Variants in POU6F2 observed in about 807,000 individuals in gnomAD.
The protein encoded by POU6F2 is POU domain, class 6, transcription factor 2.
POU6F2 carries 31 observed loss-of-function variants against 71.3 expected under a neutral mutation model. The observed-to-expected ratio is 0.43, with a 90% confidence interval of 0.33 to 0.59. POU6F2 has a LOEUF of 0.59. Ranked by LOEUF, POU6F2 falls within the 20% of genes least tolerant of loss-of-function variation. POU6F2 has a pLI of 0.04. For missense variants in POU6F2, 783 were observed against 856.8 expected (o/e 0.91, Z 1.07); for synonymous variants, 347 against 355.7 (o/e 0.98, Z 0.27).
chr7:38,993,119 G>C (rs1788645340), intron 1 of POU6F2, among the ~76,000 whole-genome samples: 1 of 152,068 alleles, frequency 6.6e-6, no homozygotes, highest in Non-Finnish European at 1.5e-5. Context: ...TTTTATTTCT[G>C]TGTATAAAGA....
At position 39,335,786 on chromosome 7, in the gene POU6F2, C is replaced by A. The variant is rs570743701; in HGVS notation, c.599-3856C>A. Among the ~76,000 whole-genome samples the A allele has an allele frequency of 1.2e-3, 176 of 152,308 alleles. 1 individual carries two copies. Among genetic ancestry groups the A allele is most frequent in the Admixed American group, 3.2e-3 (49 of 15,306 alleles). ...GGCTGTTCTGTGCCTGCTCAGTGTC[C>A]AGCTTCCAAGTCTTCCCCAGCATTT... On this transcript the variant is annotated intron_variant, in intron 4 of 9. Coordinates refer to ENST00000518318, the MANE Select transcript of POU6F2 (RefSeq NM_001370959.1).
chr7:39,246,738 C>G (rs764796656), intron 4 of POU6F2, among the ~76,000 whole-genome samples: 48 of 151,584 alleles, frequency 3.2e-4, no homozygotes, highest in Non-Finnish European at 6.0e-4. Context: ...CAGTCATAAA[C>G]TGGGGCCCTA....
intron 2 of POU6F2, among the ~76,000 whole-genome samples, chr7:39,104,835 C>T (rs949962036): frequency 2.6e-5 from 4 of 152,078 alleles, no homozygotes; most frequent in East Asian, 1.9e-4. Flanking sequence ...CTTTGGAGAC[C>T]GTGTCTTCTT....
At chr7:39,204,426 A>C in intron 3 of POU6F2, 100 bp downstream of exon 3, 1 of 935,870 alleles carries the variant, frequency 1.1e-6, no homozygotes. Context: ...AATTGACTCC[A>C]ACAGAGCAAA....
intron 4 of POU6F2, among the ~76,000 whole-genome samples, chr7:39,277,116 C>T (rs1437411253): frequency 6.6e-6 from 1 of 152,080 alleles, no homozygotes; most frequent in Non-Finnish European, 1.5e-5. Context: ...GAGAAACTTT[C>T]AATTGTAAAA....
intron 2 of POU6F2, among the ~76,000 whole-genome samples, chr7:39,104,649 G>A (rs533958183): frequency 6.6e-6 from 1 of 152,286 alleles, no homozygotes; most frequent in Admixed American, 6.5e-5. Context: ...TTCCACCACT[G>A]TCTACTTATT....
At chr7:39,015,507 T>TA (rs1789459950) in intron 1 of POU6F2, among the ~76,000 whole-genome samples, 2 of 61,750 alleles carry the variant, frequency 3.2e-5, no homozygotes, top group African/African-American at 4.5e-5. Flanking sequence ...TTATATATTA[T>TA]TATATATATA....
intron 2 of POU6F2, among the ~76,000 whole-genome samples, chr7:39,161,613 T>C (rs1201512428): frequency 2.6e-5 from 4 of 152,154 alleles, no homozygotes; most frequent in African/African-American, 9.7e-5. Flanking sequence ...TGTAAACTGA[T>C]AAGGCATCTT....
Position 39,207,475 on chromosome 7 carries a change from C to T in POU6F2, c.453C>T (p.Leu151=), listed in dbSNP as rs138654387. 10 of 1,613,932 alleles carry T rather than the reference C, an allele frequency of 6.2e-6. No homozygotes were observed. The African/African-American group carries it at 9.3e-5, about 15-fold the overall frequency. The change falls in exon 4 of 10, where the codon CTC becomes CTT. Residue 151 remains leucine, a synonymous_variant. Transcript: ENST00000518318. ...GGPPALNQPI[L]IPFNMAGQLG... ...CCCCAGCCCTCAACCAGCCAATCCTCATTCCCTTCAACATGGCGGGACAGC... is the reference window on the plus strand; with the variant it reads ...CCCCAGCCCTCAACCAGCCAATCCTTATTCCCTTCAACATGGCGGGACAGC...
At chr7:39,288,592 T>A (rs1784693172) in intron 4 of POU6F2, among the ~76,000 whole-genome samples, 1 of 152,156 alleles carries the variant, frequency 6.6e-6, no homozygotes, top group South Asian at 2.1e-4. Context: ...TTTAAGCAGA[T>A]CGTGAATCAT....
chr7:39,135,697 T>C (rs1030716276), intron 2 of POU6F2, among the ~76,000 whole-genome samples: 23 of 152,120 alleles, frequency 1.5e-4, no homozygotes, highest in African/African-American at 5.3e-4. Flanking sequence ...CACATTTCAT[T>C]GTGAAGGTAT....
In POU6F2 at chr7:39,343,410, T is replaced by TAA. The variant is rs58511899; in HGVS notation, c.972+3410_972+3411dup. On this transcript the variant is annotated intron_variant, in intron 5 of 9. Transcript: ENST00000518318. Reference sequence around the variant, plus strand: ...TTTGGGGCAAAAAACATGATCTAGGTAAAAAAAAAAAAAAAATTCAATACG... The same window carrying TAA: ...TTTGGGGCAAAAAACATGATCTAGGTAAAAAAAAAAAAAAAAAATTCAATACG... 6.3e-3 allele frequency among the ~76,000 whole-genome samples: 835 copies of TAA among 133,234 alleles called. 6 individuals are homozygous for TAA. The highest frequency in any genetic ancestry group is 0.012 in the Middle Eastern group (3 of 248). The allele number at this position is 133,234 out of a possible 152,430, so 87.4% of individuals were successfully genotyped here.
At chr7:39,407,751 A>G (rs1787466928) in intron 6 of POU6F2, among the ~76,000 whole-genome samples, 1 of 152,174 alleles carries the variant, frequency 6.6e-6, no homozygotes, top group South Asian at 2.1e-4. Flanking sequence ...CATAAAGAGT[A>G]AACAAAGATG....
chr7:39,145,107 A>G (rs1243639331), intron 2 of POU6F2, among the ~76,000 whole-genome samples: 1 of 152,226 alleles, frequency 6.6e-6, no homozygotes, highest in Non-Finnish European at 1.5e-5. Flanking sequence ...CTTAAATCTG[A>G]TATTTCAAGA....
At chr7:39,291,281 C>T (rs1286548284) in intron 4 of POU6F2, among the ~76,000 whole-genome samples, 1 of 152,118 alleles carries the variant, frequency 6.6e-6, no homozygotes, top group African/African-American at 2.4e-5. Flanking sequence ...ATAGCATTAA[C>T]CTACATTTGA....
intron 5 of POU6F2, among the ~76,000 whole-genome samples, chr7:39,398,612 A>G (rs557053350): frequency 2.0e-5 from 3 of 152,234 alleles, no homozygotes; most frequent in Admixed American, 1.3e-4. Flanking sequence ...AGGTGGCTCT[A>G]AGGAGGTGAT....
intron 6 of POU6F2, among the ~76,000 whole-genome samples, chr7:39,423,981 C>G (rs1469183765): frequency 6.6e-6 from 1 of 152,168 alleles, no homozygotes; most frequent in Non-Finnish European, 1.5e-5. Flanking sequence ...TTACAAACAA[C>G]AGAAATATAT....
intron 1 of POU6F2, among the ~76,000 whole-genome samples, chr7:38,978,723 C>T (rs1039831225): frequency 2.0e-5 from 3 of 152,156 alleles, no homozygotes; most frequent in Admixed American, 6.5e-5. Context: ...CCATTTAGTG[C>T]CTCCTCCTTG....
intron 1 of POU6F2, among the ~76,000 whole-genome samples, chr7:39,055,802 C>A (rs1381872709): frequency 6.6e-6 from 1 of 151,808 alleles, no homozygotes; most frequent in Admixed American, 6.6e-5. Flanking sequence ...TTCTTTTTTT[C>A]ATCTGATAAC....
Sources: gnomAD v4.1 joint callset for allele counts (sites outside exome capture counted in the v4.1 genomes callset) on GRCh38, gnomAD v4.1.1 for gene constraint, MANE v1.5 for transcripts, NCBI Gene and HGNC (gene_info 2026-07-23, HGNC 2026-07-21) for gene names.